LRBA: variants seen among roughly 807,000 people sequenced by gnomAD.
The protein encoded by LRBA is lipopolysaccharide-responsive and beige-like anchor protein.
Under a neutral mutation model 330.0 loss-of-function variants are expected in LRBA, and 176 were observed. The ratio of observed to expected loss-of-function variants is 0.53; its 90% CI spans 0.47 to 0.60. The LOEUF (loss-of-function observed/expected upper bound fraction) is 0.60. Among genes scored for constraint, LRBA ranks in the 20% least tolerant of loss-of-function variants. The pLI, the probability that LRBA is intolerant of heterozygous loss-of-function variation, is 0.00. For missense variants in LRBA, 3,259 were observed against 3,444.8 expected (o/e 0.95, Z 1.35); for synonymous variants, 1,230 against 1,193.0 (o/e 1.03, Z -0.64).
At chr4:150,392,446 A>G (rs1744119182) in intron 47 of LRBA, among the ~76,000 whole-genome samples, 1 of 152,146 alleles carries the variant, frequency 6.6e-6, no homozygotes, top group African/African-American at 2.4e-5. Context: ...TAATTCCATC[A>G]TGACGGCTCC....
rs755252573 is a variant in LRBA, at chr4:150,916,393, T to C, written c.894+8A>G. ...TTAACATAACTATGACTCAAGAAGATCATGTACCTTTTGTGGCTTGAAATC... is the reference window on the plus strand; with the variant it reads ...TTAACATAACTATGACTCAAGAAGACCATGTACCTTTTGTGGCTTGAAATC... On this transcript the variant is annotated splice_region_variant and intron_variant, in intron 7 of 56. Coordinates refer to ENST00000651943, the MANE Select transcript of LRBA (RefSeq NM_001364905.1). The C allele has an allele frequency of 1.2e-6, 2 of 1,612,332 alleles. No individual in the cohort carries two copies. The highest frequency in any genetic ancestry group is 1.7e-6 in the Non-Finnish European group (2 of 1,179,366).
chr4:150,589,989 A>C (rs955765016), intron 39 of LRBA, among the ~76,000 whole-genome samples: 10 of 152,188 alleles, frequency 6.6e-5, no homozygotes, highest in African/African-American at 2.4e-4. Context: ...TATGTCACCA[A>C]AAGCAAGGTT....
At chr4:150,835,898 T>C (rs1233048250) in intron 28 of LRBA, among the ~76,000 whole-genome samples, 1 of 152,248 alleles carries the variant, frequency 6.6e-6, no homozygotes, top group Non-Finnish European at 1.5e-5. Flanking sequence ...AAGGGAATGC[T>C]TCCAGTTTTG....
chr4:150,346,227 T>A (rs574396619), intron 48 of LRBA, among the ~76,000 whole-genome samples: 241 of 152,062 alleles, frequency 1.6e-3, no homozygotes, highest in African/African-American at 5.6e-3. Context: ...CTACCATACT[T>A]AGAATATCAC....
At chr4:150,677,531 T>C (rs548557471) in intron 37 of LRBA, among the ~76,000 whole-genome samples, 1 of 152,288 alleles carries the variant, frequency 6.6e-6, no homozygotes, top group Admixed American at 6.5e-5. Flanking sequence ...TTTGAAATTA[T>C]ACAAAAATAT....
intron 36 of LRBA, among the ~76,000 whole-genome samples, chr4:150,726,831 G>C (rs1470154418): frequency 6.6e-5 from 10 of 151,942 alleles, no homozygotes. Flanking sequence ...TGGGGACACA[G>C]AGCCAAACCA....
intron 34 of LRBA, among the ~76,000 whole-genome samples, chr4:150,774,124 G>C (rs116753839): frequency 0.012 from 1,796 of 152,146 alleles, 37 homozygotes; most frequent in African/African-American, 0.041. Context: ...GGAGCATTTT[G>C]CCAACAAGGA....
At chr4:150,829,688 C>T (rs1305294919) in intron 29 of LRBA, among the ~76,000 whole-genome samples, 2 of 152,124 alleles carry the variant, frequency 1.3e-5, no homozygotes, top group Non-Finnish European at 2.9e-5. Flanking sequence ...AGTCCTTGTT[C>T]CTCTTATGTT....
intron 22 of LRBA, among the ~76,000 whole-genome samples, chr4:150,860,195 A>C (rs1271259030): frequency 6.6e-6 from 1 of 152,204 alleles, no homozygotes; most frequent in African/African-American, 2.4e-5. Context: ...AAGAAAATCC[A>C]CACGAAGGAA....
At chr4:150,316,385 G>T (rs566355468) in intron 50 of LRBA, among the ~76,000 whole-genome samples, 13 of 152,234 alleles carry the variant, frequency 8.5e-5, no homozygotes, top group African/African-American at 3.1e-4. Context: ...GGTTTTGCAG[G>T]CTGTTTCCCT....
intron 54 of LRBA, 31 bp from the exon 55 acceptor site, chr4:150,282,677 T>G: frequency 2.7e-6 from 4 of 1,455,924 alleles, no homozygotes; most frequent in South Asian, 1.2e-5. Flanking sequence ...AAAGGCAAAA[T>G]TATTGAATGA....
In LRBA at chr4:150,808,399, C is replaced by A; in HGVS notation, c.5306-1G>T. On this transcript the variant is annotated splice_acceptor_variant, in intron 31 of 56. Coordinates refer to ENST00000651943, the MANE Select transcript of LRBA (RefSeq NM_001364905.1). LOFTEE classifies it high-confidence loss of function. ...AATTTTGCATTAGATGATCTACTGC[C>A]TATAAAAGAAAAATAACCATCTATA... is the stretch of plus-strand genomic sequence containing the variant. 1 of 1,568,394 alleles carries A rather than the reference C, an allele frequency of 6.4e-7. No individual in the cohort carries two copies. Among genetic ancestry groups the A allele is most frequent in the South Asian group, 1.1e-5 (1 of 88,254 alleles).
chr4:150,536,722 C>A (rs1179601652), intron 40 of LRBA, among the ~76,000 whole-genome samples: 2 of 152,072 alleles, frequency 1.3e-5, no homozygotes, highest in Non-Finnish European at 2.9e-5. Flanking sequence ...TGGCTCTAAG[C>A]CTAATCAAGA....
intron 46 of LRBA, among the ~76,000 whole-genome samples, chr4:150,432,139 A>G (rs1469544551): frequency 6.6e-6 from 1 of 152,068 alleles, no homozygotes; most frequent in African/African-American, 2.4e-5. Context: ...TTTCTGAAAA[A>G]ATTTAAATCT....
intron 37 of LRBA, among the ~76,000 whole-genome samples, chr4:150,671,000 ATGTGTGTGTGTGTGTGTGTGTGTG>A (rs57937053): frequency 1.6e-4 from 17 of 106,886 alleles, no homozygotes; most frequent in Admixed American, 1.3e-3. Flanking sequence ...AACATAGCTG[ATGTGTGTGTGTGTGTGTGTGTGTG>A]TGTGTGTGTG....
intron 2 of LRBA, among the ~76,000 whole-genome samples, chr4:150,994,158 G>T (rs1286411251): frequency 6.6e-6 from 1 of 151,560 alleles, no homozygotes; most frequent in Non-Finnish European, 1.5e-5. Flanking sequence ...CAATACTAGG[G>T]TATTACACCA....
chr4:150,301,525 T>C (rs1349478717), intron 53 of LRBA, among the ~76,000 whole-genome samples: 3 of 152,104 alleles, frequency 2.0e-5, no homozygotes, highest in African/African-American at 7.2e-5. Context: ...ATGTACATAA[T>C]AAGAAACAGC....
At chr4:150,279,731 T>A (rs1747262405) in intron 55 of LRBA, among the ~76,000 whole-genome samples, 1 of 152,228 alleles carries the variant, frequency 6.6e-6, no homozygotes, top group Non-Finnish European at 1.5e-5. Flanking sequence ...ACATATTCTC[T>A]AAGTTTTGTT....
At chr4:150,653,816 C>A (rs2126780117) in intron 37 of LRBA, among the ~76,000 whole-genome samples, 1 of 152,206 alleles carries the variant, frequency 6.6e-6, no homozygotes, top group Middle Eastern at 3.4e-3. Flanking sequence ...TTGCTTTACA[C>A]TATAGGGTCA....
Sources: allele counts gnomAD v4.1 joint callset (sites outside exome capture counted in the v4.1 genomes callset), GRCh38; gene constraint gnomAD v4.1.1; transcripts MANE v1.5; gene names NCBI Gene and HGNC (gene_info 2026-07-23, HGNC 2026-07-21).